Variants in HCRTR2 observed in about 807,000 individuals in gnomAD.
HCRTR2 encodes orexin receptor type 2.
A neutral mutation model predicts 49.0 loss-of-function variants in HCRTR2; 22 were observed. That is an observed-to-expected ratio of 0.45 (90% CI 0.32 to 0.64). HCRTR2 has a LOEUF of 0.64. Ranked by LOEUF, HCRTR2 falls within the 30% of genes least tolerant of loss-of-function variation. HCRTR2 has a pLI of 0.04. For synonymous variants in HCRTR2, 236 were observed against 205.3 expected, an observed-to-expected ratio of 1.15 and a Z score of -1.28; for missense variants, 491 against 559.4, an observed-to-expected ratio of 0.88 and a Z score of 1.23.
chr6:55,274,288 A>C (rs1290302228), intron 4 of HCRTR2, among the ~76,000 whole-genome samples: 1 of 146,698 alleles, frequency 6.8e-6, no homozygotes, highest in African/African-American at 2.5e-5. Flanking sequence ...CATATATTTT[A>C]TGAAATATAT....
intron 1 of HCRTR2, among the ~76,000 whole-genome samples, chr6:55,142,612 T>C (rs1306089176): frequency 1.3e-5 from 2 of 152,140 alleles, no homozygotes; most frequent in East Asian, 3.9e-4. Flanking sequence ...TAAAACTTAC[T>C]ATATAAGTAT....
intron 1 of HCRTR2, among the ~76,000 whole-genome samples, chr6:55,175,552 TA>T (rs1258943973): frequency 6.6e-6 from 1 of 152,050 alleles, no homozygotes; most frequent in Admixed American, 6.6e-5. Flanking sequence ...GCTCAGGAAT[TA>T]TTCATGTCAA....
At chr6:55,122,887 T>A (rs1221881832) in intron 1 of HCRTR2, among the ~76,000 whole-genome samples, 1 of 145,234 alleles carries the variant, frequency 6.9e-6, no homozygotes, top group African/African-American at 2.6e-5. Context: ...AAACACCGCA[T>A]GTTCTCACTC....
intron 1 of HCRTR2, among the ~76,000 whole-genome samples, chr6:55,236,827 A>ATATATATACCTTTAATTCGTTTT (rs1163163385): frequency 6.6e-6 from 1 of 152,106 alleles, no homozygotes. Flanking sequence ...TATATCTACA[A>ATATATATACCTTTAATTCGTTTT]ATATATACCT....
intron 1 of HCRTR2, among the ~76,000 whole-genome samples, chr6:55,165,973 A>G (rs1048671127): frequency 2.0e-5 from 3 of 151,870 alleles, no homozygotes; most frequent in Non-Finnish European, 4.4e-5. Context: ...GATTTGTCAT[A>G]TACAGACTTT....
At chr6:55,234,887 A>G (rs1223175919) in intron 1 of HCRTR2, among the ~76,000 whole-genome samples, 1 of 152,168 alleles carries the variant, frequency 6.6e-6, no homozygotes, top group African/African-American at 2.4e-5. Context: ...CAGAAGACGT[A>G]CATAAGAATG....
At chr6:55,280,945 A>G (rs1006183945) in intron 6 of HCRTR2, among the ~76,000 whole-genome samples, 2 of 152,198 alleles carry the variant, frequency 1.3e-5, no homozygotes, top group African/African-American at 4.8e-5. Context: ...AAAATAACAC[A>G]TAAGTTAAAT....
intron 1 of HCRTR2, 26 bp downstream of exon 1, chr6:55,174,836 C>T: frequency 1.3e-6 from 2 of 1,584,560 alleles, no homozygotes; most frequent in Non-Finnish European, 1.7e-6. Flanking sequence ...GGCAGCCCTC[C>T]TAGGGGCTAT....
chr6:55,159,012 A>G (rs1222683036), intron 1 of HCRTR2, among the ~76,000 whole-genome samples: 1 of 152,154 alleles, frequency 6.6e-6, no homozygotes, highest in Non-Finnish European at 1.5e-5. Context: ...CCAGACTGGG[A>G]GACACCGCAC....
intron 3 of HCRTR2, among the ~76,000 whole-genome samples, chr6:55,257,016 C>G (rs1766665527): frequency 6.6e-6 from 1 of 151,992 alleles, no homozygotes; most frequent in African/African-American, 2.4e-5. Flanking sequence ...TCCAGCAGAA[C>G]ATTAAAGATA....
At chr6:55,119,267 T>C (rs962032391) in intron 1 of HCRTR2, among the ~76,000 whole-genome samples, 1 of 151,908 alleles carries the variant, frequency 6.6e-6, no homozygotes, top group Non-Finnish European at 1.5e-5. Context: ...TGTGTCTTTA[T>C]AGTAGAACAA....
At chr6:55,256,471 T>A (rs1226219952) in intron 3 of HCRTR2, among the ~76,000 whole-genome samples, 1 of 152,148 alleles carries the variant, frequency 6.6e-6, no homozygotes, top group Non-Finnish European at 1.5e-5. Flanking sequence ...ACAGGATATA[T>A]CTACAGCAAG....
chr6:55,153,575 A>C (rs182828912), intron 1 of HCRTR2, among the ~76,000 whole-genome samples: 1 of 152,124 alleles, frequency 6.6e-6, no homozygotes, highest in East Asian at 1.9e-4. Context: ...TTGTGACTAT[A>C]TCTCTTTTTA....
intron 2 of HCRTR2, among the ~76,000 whole-genome samples, chr6:55,251,963 G>GA (rs1427432847): frequency 2.0e-5 from 3 of 151,780 alleles, no homozygotes; most frequent in Admixed American, 6.6e-5. Context: ...GAATCCAAAT[G>GA]AAAAAGACAC....
intron 6 of HCRTR2, among the ~76,000 whole-genome samples, chr6:55,281,392 A>G (rs914183335): frequency 6.6e-6 from 1 of 152,206 alleles, no homozygotes; most frequent in African/African-American, 2.4e-5. Context: ...TGTAATGAGA[A>G]GTGTTTGAAG....
intron 4 of HCRTR2, among the ~76,000 whole-genome samples, chr6:55,268,626 T>A (rs1457520263): frequency 6.6e-6 from 1 of 152,080 alleles, no homozygotes; most frequent in African/African-American, 2.4e-5. Flanking sequence ...AGAGGGACAT[T>A]TCATAATGAT....
At position 55,255,159 on chromosome 6, in the gene HCRTR2, C is replaced by A. The variant is rs772118377; in HGVS notation, c.426C>A (p.Val142=). The A allele has an allele frequency of 6.2e-7, 1 of 1,613,852 alleles. No homozygotes were observed. The highest frequency in any genetic ancestry group is 1.1e-5 in the South Asian group (1 of 91,076). Residue 142 remains valine, a synonymous_variant, in exon 3 of 7, where the codon GTC becomes GTA. Coordinates refer to ENST00000370862, the MANE Select transcript of HCRTR2 (RefSeq NM_001384272.1). ...AGACCGTGTCGGTGTCTGTGTCTGTCCTCACACTGAGCTGTATCGCCTTGG... is the reference window on the plus strand; with the variant it reads ...AGACCGTGTCGGTGTCTGTGTCTGTACTCACACTGAGCTGTATCGCCTTGG... ...YLQTVSVSVS[V]LTLSCIALDR... is the part of the protein sequence containing the mutation.
intron 2 of HCRTR2, among the ~76,000 whole-genome samples, chr6:55,254,483 T>C (rs1766612331): frequency 6.6e-6 from 1 of 152,148 alleles, no homozygotes. Context: ...TACCTAGTTT[T>C]TGGAATCACA....
chr6:55,181,020 C>A (rs1195286313), intron 1 of HCRTR2, among the ~76,000 whole-genome samples: 1 of 149,832 alleles, frequency 6.7e-6, no homozygotes, highest in East Asian at 2.0e-4. Context: ...CTTGGCTAGG[C>A]TGGTCTTGAA....
Sources: allele counts gnomAD v4.1 joint callset (sites outside exome capture counted in the v4.1 genomes callset), GRCh38; gene constraint gnomAD v4.1.1; transcripts MANE v1.5; gene names NCBI Gene and HGNC (gene_info 2026-07-23, HGNC 2026-07-21).